Variants in CYP27C1 observed in about 807,000 individuals in gnomAD.
CYP27C1 encodes cytochrome P450 27C1.
In CYP27C1, 29 loss-of-function variants were observed where a neutral mutation model predicts 40.6. The observed-to-expected ratio is 0.71, with a 90% CI of 0.53 to 0.97. The LOEUF (loss-of-function observed/expected upper bound fraction) is 0.97. Ranked by LOEUF, CYP27C1 falls within the 50% of genes least tolerant of loss-of-function variation. The probability of loss-of-function intolerance (pLI) is 0.00; values close to 1 mark genes in which losing one functional copy is unlikely to be tolerated. For synonymous variants in CYP27C1, 198 were observed against 186.8 expected (o/e 1.06, Z -0.49); for missense variants, 390 against 485.8 (o/e 0.80, Z 1.85).
intron 6 of CYP27C1, 151 bp from the exon 7 acceptor site, chr2:127,194,018 C>T (rs1443284661): frequency 3.5e-6 from 3 of 863,998 alleles, no homozygotes; most frequent in Non-Finnish European, 5.3e-6. Context: ...TTGCAAGGAC[C>T]TTTGCTGCTT....
rs1261106815 is a variant in CYP27C1, at chr2:127,187,275, T to G, written c.1610A>C (p.Lys537Thr). The change falls in exon 9 of 9, where the codon AAG (lysine) becomes ACG (threonine). Residue 537 changes from lysine (K) to threonine (T), a missense_variant. Transcript: ENST00000664447. ...GCCCAGGTTTAAAATCTAGGCTTAC[T>G]TTCTGTTAACAAATCGCACGTGGAT... ...GPIHVRFVNR[K>T] 12 of 1,614,044 alleles carry G rather than the reference T, an allele frequency of 7.4e-6. No homozygotes were observed. The highest frequency in any genetic ancestry group is 1.0e-5 in the Non-Finnish European group (12 of 1,179,890).
rs1036140743 is a variant in CYP27C1 at position 127,200,273 on chromosome 2, C to A, written c.884-734G>T. Among the ~76,000 whole-genome samples the A allele has an allele frequency of 1.3e-5, 2 of 152,170 alleles. No individual in the cohort carries two copies. The highest frequency in any genetic ancestry group is 6.6e-5 in the Admixed American group (1 of 15,266). On this transcript the variant is annotated intron_variant, in intron 4 of 8. Transcript: ENST00000664447. The surrounding 1 kb of genome is among the most constrained non-coding windows in gnomAD (Gnocchi z 4.2). ...GGGATTACAGGCGTGAGCCACTGCA[C>A]CCAGCCTAAATATTGATCTTGAAAA...
chr2:127,202,907 G>A (rs1255611702), intron 3 of CYP27C1, among the ~76,000 whole-genome samples: 7 of 152,116 alleles, frequency 4.6e-5, no homozygotes, highest in East Asian at 1.9e-4. Context: ...AGTGGCTCAT[G>A]CCTGTAATCC....
In CYP27C1 at chr2:127,193,113, A is replaced by C. The variant is rs768588731; in HGVS notation, c.1478T>G (p.Ile493Ser). ...CIGRRIAELEIHLVVIQLLQH... is the reference protein window; with the variant it reads ...CIGRRIAELESHLVVIQLLQH... ...CCCTACCTGGATCACGACGAGGTGA[A>C]TCTCCAGTTCTGCAATTCTCCGCCC... Residue 493 changes from isoleucine (I) to serine (S), a missense_variant, in exon 8 of 9, where the codon ATT becomes AGT. By Grantham distance (142) the Ile-to-Ser change is moderately radical. Coordinates refer to ENST00000664447, the MANE Select transcript of CYP27C1 (RefSeq NM_001367502.1). 6.2e-7 allele frequency: 1 copy of C among 1,614,156 alleles called. No individual in the cohort carries two copies. Among genetic ancestry groups the C allele is most frequent in the Non-Finnish European group, 8.5e-7 (1 of 1,180,024 alleles).
At chr2:127,204,440 A>AAAAGAGAAAGAAAGAAAGAAAG (rs1683125248) in intron 2 of CYP27C1, among the ~76,000 whole-genome samples, 1 of 41,284 alleles carries the variant, frequency 2.4e-5, no homozygotes, top group African/African-American at 7.7e-5. Flanking sequence ...GAAAGAAAGA[A>AAAAGAGAAAGAAAGAAAGAAAG]AAAGAAAGAA....
chr2:127,211,461 C>A (rs1280666753), intron 1 of CYP27C1, among the ~76,000 whole-genome samples: 1 of 146,306 alleles, frequency 6.8e-6, no homozygotes, highest in Non-Finnish European at 1.5e-5. Flanking sequence ...TGGCTCACTG[C>A]AAGCTCCGCC....
intron 8 of CYP27C1, among the ~76,000 whole-genome samples, chr2:127,191,237 CA>C (rs1344196850): frequency 6.6e-6 from 1 of 151,634 alleles, no homozygotes; most frequent in Non-Finnish European, 1.5e-5. Context: ...GAGCAAGACT[CA>C]AAAAAAATAA....
intron 6 of CYP27C1, 148 bp from the exon 7 acceptor site, chr2:127,194,015 G>C (rs1001515495): frequency 1.1e-6 from 1 of 874,758 alleles, no homozygotes; most frequent in Non-Finnish European, 1.8e-6. Context: ...ATTTTGCAAG[G>C]ACCTTTGCTG....
At chr2:127,197,327 G>T (rs942909670) in intron 5 of CYP27C1, among the ~76,000 whole-genome samples, 1 of 152,146 alleles carries the variant, frequency 6.6e-6, no homozygotes, top group African/African-American at 2.4e-5. Context: ...TGCTGTGTGG[G>T]TTTGTTTTTG....
chr2:127,193,410 G>T lies in CYP27C1; in HGVS notation c.1294-113C>A, dbSNP rs576986731. 23 of 1,258,144 alleles carry T rather than the reference G, an allele frequency of 1.8e-5. No individual in the cohort carries two copies. The South Asian group carries it at 2.8e-4, about 16-fold the overall frequency. The allele number at this position is 1,258,144 out of a possible 1,614,324, so 77.9% of individuals were successfully genotyped here. On this transcript the variant is annotated intron_variant, in intron 7 of 8. Transcript: ENST00000664447. ...CCCGGGGTGCTCCCGCCTGGGGGCC[G>T]CCCGGGTCCACTCACACCCAGGATG...
chr2:127,194,687 T>C (rs13006847), intron 6 of CYP27C1, among the ~76,000 whole-genome samples: 67,671 of 151,944 alleles, frequency 0.45, 15,303 homozygotes, highest in East Asian at 0.57. Context: ...GCTGAACAGG[T>C]CAAACTATTT....
At chr2:127,189,011 G>A (rs570294087) in intron 8 of CYP27C1, among the ~76,000 whole-genome samples, 26 of 152,210 alleles carry the variant, frequency 1.7e-4, no homozygotes, top group African/African-American at 5.5e-4. Context: ...TCTCAGAAAC[G>A]CCTGCTCATT....
At chr2:127,210,720 T>G (rs1279518336) in intron 1 of CYP27C1, among the ~76,000 whole-genome samples, 1 of 146,690 alleles carries the variant, frequency 6.8e-6, no homozygotes, top group Middle Eastern at 3.3e-3. Flanking sequence ...GCAATCCTAG[T>G]CTCAGACAAA....
At chr2:127,211,637 G>T (rs895550407) in intron 1 of CYP27C1, among the ~76,000 whole-genome samples, 1 of 151,778 alleles carries the variant, frequency 6.6e-6, no homozygotes, top group African/African-American at 2.4e-5. Context: ...CACCCACCTC[G>T]GCCTCCCAAA....
rs1262293796 is a variant in CYP27C1 at position 127,195,871 on chromosome 2, G to T, written c.1048-370C>A. ...GACTTTGTGTGACCTTCTTTGCAGG[G>T]CTTGCTCGGTGTGTGCCAGAAAGGG... On this transcript the variant is annotated intron_variant, in intron 5 of 8. Coordinates refer to ENST00000664447, the MANE Select transcript of CYP27C1 (RefSeq NM_001367502.1). This position sits in a 1 kb window ranked among gnomAD's most constrained non-coding sequence, Gnocchi z 6.2. 2.0e-5 allele frequency among the ~76,000 whole-genome samples: 3 copies of T among 152,084 alleles called. No homozygotes were observed. Among genetic ancestry groups the T allele is most frequent in the African/African-American group, 7.2e-5 (3 of 41,418 alleles).
In CYP27C1 at chr2:127,219,057, G is replaced by A. The variant is rs1293416546; in HGVS notation, c.282+932C>T. Among the ~76,000 whole-genome samples the A allele has an allele frequency of 6.6e-6, 1 of 152,020 alleles. No individual in the cohort carries two copies. Among genetic ancestry groups the A allele is most frequent in the Non-Finnish European group, 1.5e-5 (1 of 67,976 alleles). On this transcript the variant is annotated intron_variant, in intron 1 of 8. Transcript: ENST00000664447. This position sits in a 1 kb window ranked among gnomAD's most constrained non-coding sequence, Gnocchi z 8.7. The stretch of plus-strand genomic sequence containing the variant: ...AGTCCCGGCGCGAACTCCAGGTGTC[G>A]CCCCCAACTCCGGCTTAGAGCCTAC...
At chr2:127,203,290 AG>A in intron 3 of CYP27C1, 81 bp downstream of exon 3, 1 of 1,498,254 alleles carries the variant, frequency 6.7e-7, no homozygotes, top group Non-Finnish European at 9.1e-7. Flanking sequence ...CCTGGGACCC[AG>A]GGAATGATCC....
intron 1 of CYP27C1, among the ~76,000 whole-genome samples, chr2:127,215,163 C>G (rs1261446588): frequency 6.6e-6 from 1 of 150,764 alleles, no homozygotes. Context: ...TACAAAGCTA[C>G]AGTAACCAAG....
Position 127,209,515 on chromosome 2 carries a change from T to C in CYP27C1, c.283-3425A>G, listed in dbSNP as rs1683296893. Among the ~76,000 whole-genome samples, 1 of 152,196 alleles carries C rather than the reference T, an allele frequency of 6.6e-6. No homozygotes were observed. Among genetic ancestry groups the C allele is most frequent in the East Asian group, 1.9e-4 (1 of 5,196 alleles). Reference sequence around the variant, plus strand: ...GCACAGAACTGGATGGAGGATCAGATGGACGAATTGACAGAAGTACACTTC... The same window carrying C: ...GCACAGAACTGGATGGAGGATCAGACGGACGAATTGACAGAAGTACACTTC... On this transcript the variant is annotated intron_variant, in intron 1 of 8. Transcript: ENST00000664447. This position sits in a 1 kb window ranked among gnomAD's most constrained non-coding sequence, Gnocchi z 4.1.
Sources: allele counts gnomAD v4.1 joint callset (sites outside exome capture counted in the v4.1 genomes callset), GRCh38; gene constraint gnomAD v4.1.1; non-coding constraint Gnocchi (gnomAD v3.1); transcripts MANE v1.5; gene names NCBI Gene and HGNC (gene_info 2026-07-23, HGNC 2026-07-21).